AXL: variants seen among roughly 807,000 people sequenced by gnomAD.
The protein encoded by AXL is AXL receptor tyrosine kinase, also known as tyrosine-protein kinase receptor UFO.
AXL carries 52 observed loss-of-function variants against 104.5 expected under a neutral mutation model. The ratio of observed to expected loss-of-function variants is 0.50; its 90% CI spans 0.40 to 0.63. AXL has a LOEUF of 0.63. Ranked by LOEUF, AXL falls within the 20% of genes least tolerant of loss-of-function variation. AXL has a pLI of 0.00. For synonymous variants in AXL, 455 were observed against 473.7 expected, an observed-to-expected ratio of 0.96 and a Z score of 0.51; for missense variants, 1,024 against 1,188.5, an observed-to-expected ratio of 0.86 and a Z score of 2.04.
chr19:41,239,042 G>A (rs1474035532), intron 8 of AXL, 122 bp from the exon 9 acceptor site: 1 of 1,136,058 alleles, frequency 8.8e-7, no homozygotes, highest in Non-Finnish European at 1.3e-6. Context: ...GGACGAGGAA[G>A]GATGAGGAGT....
At chr19:41,221,124 G>GTC (rs2033783141) in intron 2 of AXL, 22 bp from the exon 3 acceptor site, 1 of 1,608,266 alleles carries the variant, frequency 6.2e-7, no homozygotes, top group African/African-American at 1.3e-5. Flanking sequence ...GAACCTCTCT[G>GTC]TCTCTCCTCT....
chr19:41,236,323 A>T (rs181635091), intron 6 of AXL, among the ~76,000 whole-genome samples: 1 of 124,802 alleles, frequency 8.0e-6, no homozygotes, highest in East Asian at 2.4e-4. Flanking sequence ...ACAGAGCAAG[A>T]CTCTGTCTAA....
At chr19:41,243,059 G>C (rs1329407764) in intron 11 of AXL, 44 bp downstream of exon 11, 1 of 1,613,160 alleles carries the variant, frequency 6.2e-7, no homozygotes, top group Admixed American at 1.7e-5. Flanking sequence ...CTGGGATGGA[G>C]AGGCTGGAGG....
intron 13 of AXL, 21 bp downstream of exon 13, chr19:41,248,630 C>A (rs2034309785): frequency 1.2e-5 from 19 of 1,613,174 alleles, no homozygotes; most frequent in Non-Finnish European, 1.5e-5. Flanking sequence ...CGGCAGCATA[C>A]ACACATCCTT....
chr19:41,253,069 G>A, intron 16 of AXL, 102 bp downstream of exon 16: 1 of 1,308,052 alleles, frequency 7.6e-7, no homozygotes, highest in Non-Finnish European at 1.1e-6. Context: ...CCAGGAGCTT[G>A]CTCTCCTGGA....
intron 19 of AXL, among the ~76,000 whole-genome samples, chr19:41,258,620 C>T (rs547053197): frequency 6.6e-6 from 1 of 152,070 alleles, no homozygotes; most frequent in African/African-American, 2.4e-5. Context: ...GTTTCACCAC[C>T]TTAGCCAGGA....
chr19:41,238,362 G>A (rs746058987), intron 7 of AXL, 108 bp from the exon 8 acceptor site: 43 of 1,537,908 alleles, frequency 2.8e-5, no homozygotes, highest in Middle Eastern at 2.4e-4. Flanking sequence ...AGGCCTGCAC[G>A]AGTTGCCCAC....
intron 4 of AXL, among the ~76,000 whole-genome samples, chr19:41,227,166 AG>A (rs749137187): frequency 3.3e-5 from 5 of 151,886 alleles, no homozygotes; most frequent in Admixed American, 2.6e-4. Context: ...GTGCTGGGGG[AG>A]GGGGGTGTCT....
intron 3 of AXL, 133 bp downstream of exon 3, chr19:41,221,379 C>T (rs2033788432): frequency 8.2e-6 from 6 of 728,682 alleles, no homozygotes; most frequent in Non-Finnish European, 1.3e-5. Flanking sequence ...CGTCATACAG[C>T]CTAAGAATGT....
intron 4 of AXL, among the ~76,000 whole-genome samples, chr19:41,223,579 C>T (rs1321490458): frequency 6.6e-6 from 1 of 152,152 alleles, no homozygotes; most frequent in Non-Finnish European, 1.5e-5. Context: ...CCTCTCTCTG[C>T]TGGAATGAGG....
chr19:41,221,746 C>T (rs971023237), intron 3 of AXL, 134 bp from the exon 4 acceptor site: 16 of 954,772 alleles, frequency 1.7e-5, no homozygotes, highest in Middle Eastern at 6.5e-4. Context: ...CAGGTGCCCT[C>T]GGGGATCAGA....
chr19:41,230,668 T>C, intron 4 of AXL, among the ~76,000 whole-genome samples: 1 of 151,740 alleles, frequency 6.6e-6, no homozygotes, highest in Admixed American at 6.6e-5. Context: ...TGTAAGAATG[T>C]GTGTGTGAGA....
In AXL at chr19:41,238,107, G is replaced by A. The variant is rs2122234475; in HGVS notation, c.947G>A (p.Gly316Asp). 3 of 1,614,044 alleles carry A rather than the reference G, an allele frequency of 1.9e-6. No homozygotes were observed. The highest frequency in any genetic ancestry group is 2.5e-6 in the Non-Finnish European group (3 of 1,180,024). Residue 316 changes from glycine to aspartate, a missense_variant, in exon 7 of 20, where the codon GGC becomes GAC. By Grantham distance (94) the Gly-to-Asp change is moderately conservative (BLOSUM62 -1). Coordinates refer to ENST00000301178, the MANE Select transcript of AXL (RefSeq NM_021913.5). Reference protein sequence around the residue: ...HIRVACTSSQGPSSWTHWLPV... With the variant: ...HIRVACTSSQDPSSWTHWLPV... ...CGCGTGGCATGCACCAGCAGCCAGG[G>A]CCCCTCATCCTGGACCCACTGGCTT... is the stretch of plus-strand genomic sequence containing the variant.
At chr19:41,252,037 C>T (rs952008713) in intron 14 of AXL, among the ~76,000 whole-genome samples, 2 of 149,716 alleles carry the variant, frequency 1.3e-5, no homozygotes, top group East Asian at 2.0e-4. Flanking sequence ...TGCTTGAACC[C>T]GAGAGGCGGA....
chr19:41,259,683 G>A lies in AXL; in HGVS notation c.2464G>A (p.Val822Ile). The A allele has an allele frequency of 2.5e-6, 4 of 1,614,098 alleles. No homozygotes were observed. The South Asian group carries it at 4.4e-5, about 18-fold the overall frequency. ...CCAGGAGCCTGACGAAATCCTCTAT[G>A]TCAACATGGATGAGGGTGGAGGTTA... ...PAQEPDEILY[V>I]NMDEGGGYPE... Residue 822 changes from valine to isoleucine, a missense_variant, in exon 20 of 20, where the codon GTC becomes ATC. Around this residue, in one of 5 missense-constraint regions of AXL, gnomAD observed 523 missense variants for 636.0 expected, o/e 0.82. Coordinates refer to ENST00000301178, the MANE Select transcript of AXL (RefSeq NM_021913.5).
At position 41,239,179 on chromosome 19, in the gene AXL, G is replaced by A. The variant is rs1243467470; in HGVS notation, c.1150G>A (p.Gly384Arg). 2 of 1,613,338 alleles carry A rather than the reference G, an allele frequency of 1.2e-6. No homozygotes were observed. Among genetic ancestry groups the A allele is most frequent in the Non-Finnish European group, 1.7e-6 (2 of 1,179,552 alleles). The change falls in exon 9 of 20, where the codon GGG becomes AGG. Residue 384 changes from glycine (G) to arginine (R), a missense_variant. This residue lies in a region of AXL where 332 missense variants were observed against 343.9 expected (regional missense o/e 0.97). Coordinates refer to ENST00000301178, the MANE Select transcript of AXL (RefSeq NM_021913.5). ...GACCTCCTAGGTGCTAATGGACATA[G>A]GGCTAAGGCAAGAGGTGACCCTGGA... ...QDTPEVLMDI[G>R]LRQEVTLELQ...
At chr19:41,250,669 T>C (rs1277717583) in intron 14 of AXL, among the ~76,000 whole-genome samples, 1 of 152,128 alleles carries the variant, frequency 6.6e-6, no homozygotes, top group Non-Finnish European at 1.5e-5. Context: ...TCTCTATCTC[T>C]TGACCTCATG....
intron 11 of AXL, 119 bp downstream of exon 11, chr19:41,243,134 G>A: frequency 6.9e-7 from 1 of 1,457,694 alleles, no homozygotes; most frequent in Non-Finnish European, 9.3e-7. Flanking sequence ...TGAGGGCAAG[G>A]GAAGCCAGGC....
intron 4 of AXL, among the ~76,000 whole-genome samples, chr19:41,227,243 C>G (rs1443740794): frequency 6.6e-6 from 1 of 152,020 alleles, no homozygotes; most frequent in Non-Finnish European, 1.5e-5. Context: ...TCTAAGAGCC[C>G]CCACAAAAGC....
Sources: gnomAD v4.1 joint callset for allele counts (sites outside exome capture counted in the v4.1 genomes callset) on GRCh38, gnomAD v4.1.1 for gene constraint, gnomAD v4.1.1 regional missense constraint, MANE v1.5 for transcripts, NCBI Gene and HGNC (gene_info 2026-07-23, HGNC 2026-07-21) for gene names.